The following MFSD1 variants were observed in gnomAD, a reference collection of about 807,000 sequenced individuals.
MFSD1 encodes major facilitator superfamily domain containing 1.
MFSD1 carries 59 observed loss-of-function variants against 67.1 expected under a neutral mutation model. The observed-to-expected ratio is 0.88, with a 90% confidence interval of 0.71 to 1.09. MFSD1 has a LOEUF of 1.09. Among genes scored for constraint, MFSD1 ranks in the 50% least tolerant of loss-of-function variants. The pLI, the probability that MFSD1 is intolerant of heterozygous loss-of-function variation, is 0.00. For synonymous variants in MFSD1, 213 were observed against 200.3 expected (o/e 1.06, Z -0.54); for missense variants, 552 against 566.1 (o/e 0.97, Z 0.25).
intron 11 of MFSD1, 180 bp from the exon 12 acceptor site, chr3:158,823,248 A>G (rs1020171761): frequency 6.8e-6 from 4 of 584,552 alleles, no homozygotes; most frequent in Non-Finnish European, 1.2e-5. Flanking sequence ...CGCTAAAAGG[A>G]TACTCTTAGG....
At chr3:158,820,429 T>C (rs2108228673) in intron 9 of MFSD1, 103 bp downstream of exon 9, 1 of 737,876 alleles carries the variant, frequency 1.4e-6, no homozygotes, top group African/African-American at 1.7e-5. Flanking sequence ...TCTCTGGTTA[T>C]AGTTTATATT....
intron 7 of MFSD1, among the ~76,000 whole-genome samples, chr3:158,815,229 T>C (rs1576905858): frequency 6.6e-6 from 1 of 152,192 alleles, no homozygotes; most frequent in Admixed American, 6.5e-5. Context: ...TGATGTGATA[T>C]GATATGGTTG....
In MFSD1 at chr3:158,802,237, GCCCTGCCGGC is replaced by G; in HGVS notation, c.88_97del (p.Leu30SerfsTer16). On this transcript the variant is annotated frameshift_variant, in exon 1 of 16. Transcript: ENST00000415822. LOFTEE classifies it high-confidence loss of function. ...CAGAGGTGCCCCGGCCGCCCCTGGAGCCCTGCCGGCCCTCTGCGACCCCAGTCGCCTGGCG... is the reference window on the plus strand; with the variant it reads ...CAGAGGTGCCCCGGCCGCCCCTGGAGCCTCTGCGACCCCAGTCGCCTGGCG... 1.9e-6 allele frequency: 3 copies of G among 1,610,488 alleles called. No individual in the cohort carries two copies. Among genetic ancestry groups the G allele is most frequent in the Non-Finnish European group, 2.5e-6 (3 of 1,178,594 alleles).
intron 1 of MFSD1, among the ~76,000 whole-genome samples, chr3:158,803,307 A>C: frequency 6.6e-6 from 1 of 152,272 alleles, no homozygotes; most frequent in East Asian, 1.9e-4. Context: ...TGAACATATA[A>C]GTAGACATGA....
chr3:158,821,105 C>T (rs1025130018), intron 9 of MFSD1, among the ~76,000 whole-genome samples: 2 of 152,150 alleles, frequency 1.3e-5, no homozygotes, highest in Admixed American at 6.5e-5. Flanking sequence ...ATTCTGGGTT[C>T]AAAGCAAATT....
intron 5 of MFSD1, 93 bp from the exon 6 acceptor site, chr3:158,809,086 A>G: frequency 1.1e-6 from 1 of 889,754 alleles, no homozygotes; most frequent in Non-Finnish European, 1.7e-6. Context: ...TCTTGATAGG[A>G]GAAGTGCCAA....
chr3:158,817,163 G>A lies in MFSD1; in HGVS notation c.653-2486G>A, dbSNP rs554465242. ...TATCATACTGAATGGGCAAAAACTGGAAGCATTCCCTTTGAAAACTGGCAC... is the reference window on the plus strand; with the variant it reads ...TATCATACTGAATGGGCAAAAACTGAAAGCATTCCCTTTGAAAACTGGCAC... On this transcript the variant is annotated intron_variant, in intron 7 of 15. Transcript: ENST00000415822. Among the ~76,000 whole-genome samples the A allele has an allele frequency of 7.2e-3, 1,103 of 152,228 alleles. 6 individuals are homozygous for A. Among genetic ancestry groups the A allele is most frequent in the Non-Finnish European group, 0.01 (700 of 68,016 alleles).
chr3:158,821,739 T>C (rs1037381647), intron 10 of MFSD1, 86 bp downstream of exon 10: 6 of 1,193,308 alleles, frequency 5.0e-6, no homozygotes, highest in Non-Finnish European at 6.1e-6. Context: ...AAAAAAGATG[T>C]ATGTGACCTA....
chr3:158,826,938 G>A (rs1412445586), intron 14 of MFSD1, among the ~76,000 whole-genome samples: 2 of 152,038 alleles, frequency 1.3e-5, no homozygotes, highest in Non-Finnish European at 2.9e-5. Flanking sequence ...ATTTACAGGC[G>A]TGAGCTACCA....
Position 158,802,124 on chromosome 3 carries a change from C to T in MFSD1, c.-29C>T, listed in dbSNP as rs1250751107. 1 of 1,609,980 alleles carries T rather than the reference C, an allele frequency of 6.2e-7. No individual in the cohort carries two copies. Among genetic ancestry groups the T allele is most frequent in the Middle Eastern group, 1.8e-4 (1 of 5,670 alleles). On this transcript the variant is annotated 5_prime_UTR_variant, in exon 1 of 16. Transcript: ENST00000415822. ...CTGCCTGGGTTTGGAGTTGTCACCA[C>T]TTTCCCCTCTCCGTCTCCTGCGGGC...
chr3:158,826,672 T>C (rs181451882), intron 14 of MFSD1, among the ~76,000 whole-genome samples: 57 of 151,100 alleles, frequency 3.8e-4, no homozygotes, highest in African/African-American at 1.3e-3. Flanking sequence ...TTTTTTTTTC[T>C]TTTCTTTTTT....
chr3:158,807,081 A>G lies in MFSD1; in HGVS notation c.371A>G (p.Gln124Arg), dbSNP rs1389697867. Residue 124 changes from glutamine (Q) to arginine (R), a missense_variant and splice_region_variant, in exon 4 of 16, where the codon CAG becomes CGG. Gln to Arg is a conservative substitution (Grantham distance 43, BLOSUM62 1). Transcript: ENST00000415822. ...IIFSCFVCIGQVVFALGGIFN... is the reference protein window; with the variant it reads ...IIFSCFVCIGRVVFALGGIFN... ...TTTAGCTGCTTTGTTTGCATTGGAC[A>G]GGTAAGGAAGGCCAAAACATTCATT... is the stretch of plus-strand genomic sequence containing the variant. 2 of 1,611,082 alleles carry G rather than the reference A, an allele frequency of 1.2e-6. No individual in the cohort carries two copies. Among genetic ancestry groups the G allele is most frequent in the Admixed American group, 1.7e-5 (1 of 59,802 alleles).
At chr3:158,827,608 G>A (rs1043702928) in intron 15 of MFSD1, among the ~76,000 whole-genome samples, 1 of 151,792 alleles carries the variant, frequency 6.6e-6, no homozygotes, top group African/African-American at 2.4e-5. Context: ...TAGAGATGGG[G>A]TTTTGCCATG....
At chr3:158,803,545 A>G (rs1729564931) in intron 1 of MFSD1, among the ~76,000 whole-genome samples, 1 of 152,190 alleles carries the variant, frequency 6.6e-6, no homozygotes, top group South Asian at 2.1e-4. Context: ...AATTCTGGTT[A>G]TCTGCCTAGA....
chr3:158,807,168 A>T, intron 4 of MFSD1, 86 bp downstream of exon 4: 1 of 1,269,724 alleles, frequency 7.9e-7, no homozygotes, highest in Non-Finnish European at 1.1e-6. Context: ...GCTGTGTTTA[A>T]TTAATGCCTA....
At chr3:158,825,715 GA>G (rs943691633) in intron 13 of MFSD1, among the ~76,000 whole-genome samples, 16 of 152,172 alleles carry the variant, frequency 1.1e-4, no homozygotes, top group African/African-American at 3.6e-4. Context: ...CCAGCACTGA[GA>G]AAGGGAGAGG....
intron 7 of MFSD1, among the ~76,000 whole-genome samples, chr3:158,816,462 G>T (rs919106989): frequency 6.1e-4 from 93 of 152,326 alleles, no homozygotes; most frequent in African/African-American, 2.2e-3. Context: ...CTTTTGAGAA[G>T]TGTCTGTTCA....
At position 158,819,652 on chromosome 3, in the gene MFSD1, G is replaced by A; in HGVS notation, c.656G>A (p.Gly219Asp). The change falls in exon 8 of 16, where the codon GGT (glycine) becomes GAT (aspartate). Residue 219 changes from glycine (G) to aspartate (D), a missense_variant. Transcript: ENST00000415822. ...TTTTTTTTTTTTTTTTATTTAGGGG[G>A]TATAACGTGTATTCTTTCACTAATC... is the stretch of plus-strand genomic sequence containing the variant. The part of the protein sequence containing the change: ...TTLGITLMIG[G>D]ITCILSLICA... 3 of 1,492,434 alleles carry A rather than the reference G, an allele frequency of 2.0e-6. No homozygotes were observed. Among genetic ancestry groups the A allele is most frequent in the Non-Finnish European group, 2.8e-6 (3 of 1,086,126 alleles). 92.4% of individuals were successfully genotyped at this position (1,492,434 alleles called of 1,614,324 possible).
chr3:158,820,355 C>G, intron 9 of MFSD1, 29 bp downstream of exon 9: 1 of 1,440,530 alleles, frequency 6.9e-7, no homozygotes, highest in Non-Finnish European at 9.8e-7. Flanking sequence ...TCCATTATTT[C>G]TTGTCTAAAT....
Sources: gnomAD v4.1 joint callset for allele counts (sites outside exome capture counted in the v4.1 genomes callset) on GRCh38, gnomAD v4.1.1 for gene constraint, MANE v1.5 for transcripts, NCBI Gene and HGNC (gene_info 2026-07-23, HGNC 2026-07-21) for gene names.